Variants in TMEM117 observed in about 807,000 individuals in gnomAD.
The protein encoded by TMEM117 is transmembrane protein 117.
In TMEM117, 27 loss-of-function variants were observed where a neutral mutation model predicts 52.4. The observed-to-expected ratio is 0.51, with a 90% CI of 0.38 to 0.71. The LOEUF (loss-of-function observed/expected upper bound fraction) is 0.71, where lower values mean the gene tolerates loss of function less well. Ranked by LOEUF, TMEM117 falls within the 30% of genes least tolerant of loss-of-function variation. The probability of loss-of-function intolerance (pLI) is 0.00; values close to 1 mark genes in which losing one functional copy is unlikely to be tolerated. For synonymous variants in TMEM117, 215 were observed against 206.3 expected, an observed-to-expected ratio of 1.04 and a Z score of -0.36; for missense variants, 556 against 630.5, an observed-to-expected ratio of 0.88 and a Z score of 1.26.
At chr12:43,796,764 T>C in the TMEM117 span, among the ~76,000 whole-genome samples, 2 of 152,176 alleles carry the variant, frequency 1.3e-5, no homozygotes, top group Non-Finnish European at 1.5e-5. Context: ...TAAAGTTAAA[T>C]AGCCACATGT....
chr12:44,099,451 G>A (rs981941868), intron 3 of TMEM117, among the ~76,000 whole-genome samples: 13 of 151,862 alleles, frequency 8.6e-5, no homozygotes, highest in African/African-American at 3.1e-4. Flanking sequence ...AAAAATACTT[G>A]GGTATATGTG....
chr12:43,975,373 A>G (rs1379675360), intron 3 of TMEM117, among the ~76,000 whole-genome samples: 2 of 152,198 alleles, frequency 1.3e-5, no homozygotes. Context: ...CTCTTGTCCC[A>G]GGTATAATAA....
intron 4 of TMEM117, among the ~76,000 whole-genome samples, chr12:44,202,152 A>T (rs1033669660): frequency 6.6e-6 from 1 of 152,122 alleles, no homozygotes; most frequent in African/African-American, 2.4e-5. Flanking sequence ...GGAAGCAGAA[A>T]TAAAATTTTG....
At chr12:44,359,320 G>A (rs1951691798) in intron 6 of TMEM117, among the ~76,000 whole-genome samples, 1 of 151,586 alleles carries the variant, frequency 6.6e-6, no homozygotes, top group African/African-American at 2.4e-5. Context: ...TTCAAAATTT[G>A]AAAAGCAAGA....
rs148148926 is a variant in TMEM117, at chr12:44,302,537, G to A, written c.768+2798G>A. Among the ~76,000 whole-genome samples, 258 of 152,240 alleles carry A rather than the reference G, an allele frequency of 1.7e-3. 4 individuals carry two copies. The East Asian group carries it at 0.021, about 12-fold the overall frequency. On this transcript the variant is annotated intron_variant, in intron 6 of 7. Transcript: ENST00000266534. Reference sequence around the variant, plus strand: ...AAGTCATGTGATCACTTCCTCTTCAGAACTCCTGTAGCACTTTTTACCTGA... The same window carrying A: ...AAGTCATGTGATCACTTCCTCTTCAAAACTCCTGTAGCACTTTTTACCTGA...
chr12:43,872,369 T>C (rs1346897369), intron 2 of TMEM117, among the ~76,000 whole-genome samples: 1 of 64,614 alleles, frequency 1.5e-5, no homozygotes, highest in Non-Finnish European at 5.1e-5. Context: ...GAAAAAGGCG[T>C]CTGTACCTCT....
chr12:44,315,803 T>A (rs1166861204), intron 6 of TMEM117, among the ~76,000 whole-genome samples: 1 of 152,222 alleles, frequency 6.6e-6, no homozygotes, highest in African/African-American at 2.4e-5. Context: ...TTCATCATTA[T>A]ATAATGTCCT....
chr12:43,820,384 C>T, the TMEM117 span, among the ~76,000 whole-genome samples: 5 of 152,362 alleles, frequency 3.3e-5, no homozygotes, highest in African/African-American at 1.2e-4. Context: ...CGCCATTCTC[C>T]TGCCTCAGCC....
chr12:43,873,694 CAGTT>C (rs1943744475), intron 2 of TMEM117, among the ~76,000 whole-genome samples: 1 of 150,408 alleles, frequency 6.6e-6, no homozygotes, highest in African/African-American at 2.4e-5. Context: ...TGTATCTTTC[CAGTT>C]AGTTTTAATT....
chr12:44,395,654 A>G, the TMEM117 span, among the ~76,000 whole-genome samples: 1 of 152,178 alleles, frequency 6.6e-6, no homozygotes, highest in African/African-American at 2.4e-5. Flanking sequence ...CTTACATACA[A>G]TGACTCAGGG....
chr12:44,336,012 A>G (rs1430040758), intron 6 of TMEM117, among the ~76,000 whole-genome samples: 2 of 152,066 alleles, frequency 1.3e-5, no homozygotes, highest in African/African-American at 4.8e-5. Context: ...AAACAGAATC[A>G]ATTTAGGATG....
At chr12:44,283,982 C>G (rs1950608340) in intron 5 of TMEM117, among the ~76,000 whole-genome samples, 1 of 152,112 alleles carries the variant, frequency 6.6e-6, no homozygotes, top group African/African-American at 2.4e-5. Flanking sequence ...GTTTCCACTT[C>G]TGTGTCTTTC....
At chr12:44,220,054 A>G (rs1949767999) in intron 5 of TMEM117, among the ~76,000 whole-genome samples, 1 of 152,162 alleles carries the variant, frequency 6.6e-6, no homozygotes, top group Non-Finnish European at 1.5e-5. Flanking sequence ...TCTTTTCACT[A>G]TCTTTGGAAA....
chr12:44,010,691 T>TA (rs1316941471), intron 3 of TMEM117, among the ~76,000 whole-genome samples: 2 of 152,188 alleles, frequency 1.3e-5, no homozygotes, highest in African/African-American at 2.4e-5. Flanking sequence ...GTCCTAGAGT[T>TA]TACAATATAC....
At chr12:44,309,226 G>A (rs1020118447) in intron 6 of TMEM117, among the ~76,000 whole-genome samples, 2 of 152,152 alleles carry the variant, frequency 1.3e-5, no homozygotes, top group African/African-American at 4.8e-5. Flanking sequence ...TTTTACAGCT[G>A]AAGCCCAGGG....
intron 3 of TMEM117, among the ~76,000 whole-genome samples, chr12:44,124,544 A>G (rs536895552): frequency 6.6e-6 from 1 of 152,330 alleles, no homozygotes; most frequent in East Asian, 1.9e-4. Flanking sequence ...TGGGTTTGTC[A>G]TAAATGGCTC....
intron 5 of TMEM117, among the ~76,000 whole-genome samples, chr12:44,269,036 T>C (rs1368449964): frequency 1.3e-5 from 2 of 152,202 alleles, no homozygotes; most frequent in African/African-American, 4.8e-5. Context: ...TACATACTTT[T>C]ATCTCTTGCT....
chr12:44,277,600 T>A (rs75363448), intron 5 of TMEM117, among the ~76,000 whole-genome samples: 1 of 152,118 alleles, frequency 6.6e-6, no homozygotes, highest in South Asian at 2.1e-4. Context: ...CTTGCACTTA[T>A]AGAACTGAAG....
intron 2 of TMEM117, among the ~76,000 whole-genome samples, chr12:43,894,475 TG>T (rs1944163503): frequency 6.6e-6 from 1 of 152,070 alleles, no homozygotes; most frequent in Non-Finnish European, 1.5e-5. Context: ...TCATGGGGGT[TG>T]GTTGTACAGA....
Sources: gnomAD v4.1 joint callset for allele counts (sites outside exome capture counted in the v4.1 genomes callset) on GRCh38, gnomAD v4.1.1 for gene constraint, MANE v1.5 for transcripts, NCBI Gene and HGNC (gene_info 2026-07-23, HGNC 2026-07-21) for gene names.